RGL1: variants seen among roughly 807,000 people sequenced by gnomAD.
RGL1 encodes the protein ral guanine nucleotide dissociation stimulator like 1.
A neutral mutation model predicts 95.2 loss-of-function variants in RGL1; 24 were observed. The observed-to-expected ratio is 0.25, with a 90% CI of 0.18 to 0.35. RGL1 has a LOEUF of 0.35. Ranked by LOEUF, RGL1 falls within the 10% of genes least tolerant of loss-of-function variation. The pLI is 1.00. For synonymous variants in RGL1, 329 were observed against 344.9 expected (o/e 0.95, Z 0.51); for missense variants, 715 against 936.3 (o/e 0.76, Z 3.08).
chr1:183,819,465 G>A (rs540897482), intron 2 of RGL1, among the ~76,000 whole-genome samples: 14 of 152,182 alleles, frequency 9.2e-5, no homozygotes, highest in African/African-American at 3.1e-4. Flanking sequence ...CTGGCCCTCC[G>A]ACACTTTTCT....
chr1:183,830,854 A>G lies in RGL1; in HGVS notation c.139-16712A>G, dbSNP rs1054026302. On this transcript the variant is annotated intron_variant, in intron 2 of 17. Coordinates refer to ENST00000360851, the MANE Select transcript of RGL1 (RefSeq NM_001297671.3). ...TTTGTTTACTTGAAATTTTTAGTTCAGAAAAACAGATTTTTGTATTTTTCA... is the reference window on the plus strand; with the variant it reads ...TTTGTTTACTTGAAATTTTTAGTTCGGAAAAACAGATTTTTGTATTTTTCA... Among the ~76,000 whole-genome samples, 6 of 152,366 alleles carry G rather than the reference A, an allele frequency of 3.9e-5. No individual in the cohort carries two copies. In the South Asian group the frequency reaches 6.2e-4, roughly 16 times the overall value.
intron 5 of RGL1, among the ~76,000 whole-genome samples, chr1:183,881,450 G>A (rs1666823003): frequency 6.6e-6 from 1 of 152,186 alleles, no homozygotes; most frequent in African/African-American, 2.4e-5. Context: ...CAAAGGAAAG[G>A]CCACCACTGC....
intron 4 of RGL1, among the ~76,000 whole-genome samples, chr1:183,869,981 G>A (rs9425615): frequency 0.14 from 21,446 of 152,200 alleles, 1,616 homozygotes; most frequent in Non-Finnish European, 0.17. Flanking sequence ...ACTTGGTGGG[G>A]GGAGGCTATT....
Position 183,805,170 on chromosome 1 carries a change from C to A in RGL1, c.-128C>A. The stretch of plus-strand genomic sequence containing the variant: ...GCGGCGGGGGCAGCGCGGCGCGTGT[C>A]TGTGCGCTGCGGTCGCTCGGGACCG... On this transcript the variant is annotated 5_prime_UTR_variant, in exon 1 of 18. In the 5' UTR this introduces an upstream ATG that the reference lacks. Transcript: ENST00000360851. 7.8e-7 allele frequency: 1 copy of A among 1,290,218 alleles called. No homozygotes were observed. The highest frequency in any genetic ancestry group is 1.0e-6 in the Non-Finnish European group (1 of 979,402). 79.9% of individuals were successfully genotyped at this position (1,290,218 alleles called of 1,614,324 possible).
At chr1:183,814,937 T>G (rs1558223282) in intron 2 of RGL1, among the ~76,000 whole-genome samples, 1 of 152,222 alleles carries the variant, frequency 6.6e-6, no homozygotes, top group Non-Finnish European at 1.5e-5. Flanking sequence ...AGACATTGGC[T>G]AAAAATAAAA....
chr1:183,734,671 T>C (rs1298563375), intron 1 of RGL1, among the ~76,000 whole-genome samples: 1 of 152,256 alleles, frequency 6.6e-6, no homozygotes, highest in Non-Finnish European at 1.5e-5. Flanking sequence ...GTTTACAGAA[T>C]TGTGAAACAT....
chr1:183,763,026 G>A (rs963742900), intron 2 of RGL1, among the ~76,000 whole-genome samples: 15 of 152,284 alleles, frequency 9.9e-5, no homozygotes, highest in Non-Finnish European at 1.8e-4. Context: ...TAAAGAAAAT[G>A]TGTCACACAT....
chr1:183,871,960 C>G (rs923395988), intron 4 of RGL1, among the ~76,000 whole-genome samples: 1 of 150,778 alleles, frequency 6.6e-6, no homozygotes, highest in African/African-American at 2.5e-5. Flanking sequence ...ACGGTGATTT[C>G]TGATGGTAGG....
chr1:183,825,461 C>T (rs1199683258), intron 2 of RGL1, among the ~76,000 whole-genome samples: 2 of 152,140 alleles, frequency 1.3e-5, no homozygotes, highest in African/African-American at 2.4e-5. Context: ...TTCATTGGCA[C>T]AGACTTTAGG....
At position 183,691,290 on chromosome 1, in the gene RGL1, G is replaced by T. The variant is rs569144933; in HGVS notation, c.-32-50836G>T. ...CATTTGGATTGGAGCCCCTCTTTGG[G>T]CCATTGCCAACTAGAGGTTAACATA... On this transcript the variant is annotated intron_variant, in intron 1 of 18. Transcript: ENST00000304685. Among the ~76,000 whole-genome samples the T allele has an allele frequency of 2.4e-3, 363 of 152,256 alleles. 3 individuals carry two copies. The highest frequency in any genetic ancestry group is 4.4e-3 in the Non-Finnish European group (300 of 68,020).
intron 9 of RGL1, among the ~76,000 whole-genome samples, chr1:183,893,624 T>C (rs1667540907): frequency 6.6e-6 from 1 of 152,132 alleles, no homozygotes; most frequent in Admixed American, 6.6e-5. Context: ...TTTGTTAAGG[T>C]CTTCATGACT....
intron 1 of RGL1, among the ~76,000 whole-genome samples, chr1:183,738,499 T>C (rs1028934038): frequency 2.0e-5 from 3 of 152,208 alleles, no homozygotes; most frequent in Non-Finnish European, 4.4e-5. Context: ...GTGGAAAGTC[T>C]ACATATGCCT....
chr1:183,806,288 G>T, intron 1 of RGL1, 87 bp from the exon 2 acceptor site: 1 of 965,432 alleles, frequency 1.0e-6, no homozygotes, highest in Non-Finnish European at 1.6e-6. Context: ...GAGTGCTGTT[G>T]TAAGCAGCAA....
chr1:183,923,823 A>G (rs1435357430), intron 17 of RGL1, among the ~76,000 whole-genome samples: 1 of 152,190 alleles, frequency 6.6e-6, no homozygotes, highest in Non-Finnish European at 1.5e-5. Context: ...GCCTTTGTGC[A>G]CAGAATGTAC....
chr1:183,834,791 A>C (rs1239666326), intron 2 of RGL1, among the ~76,000 whole-genome samples: 1 of 151,958 alleles, frequency 6.6e-6, no homozygotes, highest in Non-Finnish European at 1.5e-5. Flanking sequence ...TCCGTTCAAG[A>C]GATCCTTTCA....
intron 1 of RGL1, among the ~76,000 whole-genome samples, chr1:183,734,346 G>A (rs1003696617): frequency 1.3e-5 from 2 of 152,172 alleles, no homozygotes; most frequent in Non-Finnish European, 2.9e-5. Context: ...TGAGGGCACA[G>A]CTCTGGGTCA....
intron 1 of RGL1, among the ~76,000 whole-genome samples, chr1:183,707,909 G>A (rs1046003839): frequency 6.6e-6 from 1 of 152,162 alleles, no homozygotes; most frequent in Non-Finnish European, 1.5e-5. Context: ...GATCTGGGTG[G>A]TGAGAATGGA....
chr1:183,703,913 A>T (rs999702839), intron 1 of RGL1, among the ~76,000 whole-genome samples: 4 of 152,182 alleles, frequency 2.6e-5, no homozygotes, highest in African/African-American at 9.7e-5. Context: ...AGAAGTTGTA[A>T]GAGAGGTTTG....
Position 183,847,582 on chromosome 1 carries a change from T to G in RGL1, c.155T>G (p.Leu52Arg). Residue 52 changes from leucine to arginine, a missense_variant, in exon 3 of 18, where the codon CTG becomes CGG. By Grantham distance (102) the Leu-to-Arg change is moderately radical. This residue lies in a region of RGL1 where 381 missense variants were observed against 484.8 expected (regional missense o/e 0.79). Coordinates refer to ENST00000360851, the MANE Select transcript of RGL1 (RefSeq NM_001297671.3). ...ARWLGVEGDQ[L>R]PPGHTVSQYE... ...ATTATACAGGTTGAAGGGGACCAGC[T>G]GCCTCCAGGACACACAGTCAGTCAA... is the stretch of plus-strand genomic sequence containing the variant. 1 of 1,614,092 alleles carries G rather than the reference T, an allele frequency of 6.2e-7. No individual in the cohort carries two copies. Among genetic ancestry groups the G allele is most frequent in the Non-Finnish European group, 8.5e-7 (1 of 1,179,950 alleles).
Sources: allele counts gnomAD v4.1 joint callset (sites outside exome capture counted in the v4.1 genomes callset), GRCh38; gene constraint gnomAD v4.1.1; regional missense constraint gnomAD v4.1.1; transcripts MANE v1.5; gene names NCBI Gene and HGNC (gene_info 2026-07-23, HGNC 2026-07-21).